Variants in PLAG1 observed in about 807,000 individuals in gnomAD.
PLAG1 encodes the protein zinc finger protein PLAG1.
PLAG1 carries 7 observed loss-of-function variants against 35.5 expected under a neutral mutation model. The observed-to-expected ratio is 0.20, with a 90% CI of 0.11 to 0.37. PLAG1 has a LOEUF of 0.37. Ranked by LOEUF, PLAG1 falls within the 10% of genes least tolerant of loss-of-function variation. PLAG1 has a pLI of 1.00. For synonymous variants in PLAG1, 229 were observed against 225.4 expected, an observed-to-expected ratio of 1.02 and a Z score of -0.14; for missense variants, 454 against 602.8, an observed-to-expected ratio of 0.75 and a Z score of 2.58.
At chr8:56,176,045 T>C (rs1450557223) in intron 2 of PLAG1, among the ~76,000 whole-genome samples, 3 of 141,838 alleles carry the variant, frequency 2.1e-5, no homozygotes, top group South Asian at 2.2e-4. Flanking sequence ...CTTTTCCTTT[T>C]CTTTTTTTTT....
intron 2 of PLAG1, among the ~76,000 whole-genome samples, chr8:56,175,769 G>GT (rs965906633): frequency 2.6e-5 from 4 of 152,234 alleles, no homozygotes; most frequent in Admixed American, 6.5e-5. Context: ...CTTTTTGTCT[G>GT]TAAGAACCAA....
intron 3 of PLAG1, among the ~76,000 whole-genome samples, chr8:56,169,160 A>G (rs1175795421): frequency 1.3e-5 from 2 of 152,182 alleles, no homozygotes; most frequent in Non-Finnish European, 2.9e-5. Context: ...TTTTAGGCAC[A>G]CTGAGGTTAG....
chr8:56,177,368 T>C (rs531865232), intron 2 of PLAG1, among the ~76,000 whole-genome samples: 1 of 152,320 alleles, frequency 6.6e-6, no homozygotes, highest in African/African-American at 2.4e-5. Context: ...GGATCAGTTC[T>C]AGGCAAAACC....
intron 1 of PLAG1, among the ~76,000 whole-genome samples, chr8:56,204,496 C>T (rs994255667): frequency 1.3e-5 from 2 of 151,968 alleles, no homozygotes; most frequent in South Asian, 4.1e-4. Context: ...GATTATGACA[C>T]CTTCCAATTT....
At chr8:56,202,557 C>A (rs1446121037) in intron 1 of PLAG1, among the ~76,000 whole-genome samples, 1 of 152,176 alleles carries the variant, frequency 6.6e-6, no homozygotes, top group Non-Finnish European at 1.5e-5. Flanking sequence ...ATGCATTGTA[C>A]AAAAGCTATT....
chr8:56,172,779 G>C (rs188277681), intron 2 of PLAG1, among the ~76,000 whole-genome samples: 234 of 152,272 alleles, frequency 1.5e-3, no homozygotes, highest in African/African-American at 4.5e-3. Context: ...AAACCAATTT[G>C]CAAGTGGATA....
intron 1 of PLAG1, among the ~76,000 whole-genome samples, chr8:56,209,910 T>C (rs1355834414): frequency 1.3e-5 from 2 of 152,118 alleles, no homozygotes; most frequent in Non-Finnish European, 2.9e-5. Context: ...ATTAACTCTA[T>C]TAAGAAAATG....
chr8:56,193,462 T>G (rs1239167158), intron 1 of PLAG1, among the ~76,000 whole-genome samples: 1 of 152,196 alleles, frequency 6.6e-6, no homozygotes, highest in African/African-American at 2.4e-5. Context: ...AAAAAGCTGG[T>G]TGACAATGAC....
chr8:56,178,844 A>G (rs1811783552), intron 2 of PLAG1, among the ~76,000 whole-genome samples: 1 of 151,942 alleles, frequency 6.6e-6, no homozygotes, highest in Non-Finnish European at 1.5e-5. Context: ...ATTCTGTGAC[A>G]CTGAGCTGCG....
At chr8:56,187,129 G>T (rs1458078302) in intron 1 of PLAG1, among the ~76,000 whole-genome samples, 3 of 152,176 alleles carry the variant, frequency 2.0e-5, no homozygotes, top group African/African-American at 7.2e-5. Context: ...CCTTCTTGAA[G>T]CTTCAGCACC....
chr8:56,178,382 A>C (rs547566913), intron 2 of PLAG1, among the ~76,000 whole-genome samples: 1 of 147,464 alleles, frequency 6.8e-6, no homozygotes, highest in South Asian at 2.1e-4. Context: ...TAGAAAAAGA[A>C]AAAAAAAATC....
At chr8:56,207,363 T>G (rs529263370) in intron 1 of PLAG1, among the ~76,000 whole-genome samples, 1 of 151,916 alleles carries the variant, frequency 6.6e-6, no homozygotes, top group Non-Finnish European at 1.5e-5. Flanking sequence ...ATGTACATAG[T>G]GACAATCAGG....
chr8:56,181,417 G>C (rs1350578257), intron 1 of PLAG1, among the ~76,000 whole-genome samples: 1 of 152,216 alleles, frequency 6.6e-6, no homozygotes, highest in Non-Finnish European at 1.5e-5. Flanking sequence ...GTCCTTTGCA[G>C]AGACATGGAT....
chr8:56,191,305 C>A (rs557789501), intron 1 of PLAG1, among the ~76,000 whole-genome samples: 69 of 152,186 alleles, frequency 4.5e-4, no homozygotes, highest in Non-Finnish European at 9.0e-4. Context: ...GAGACCTGAG[C>A]TAGAGAGAAG....
At position 56,197,037 on chromosome 8, in the gene PLAG1, C is replaced by G. The variant is rs1812397724; in HGVS notation, c.-322+14084G>C. On this transcript the variant is annotated intron_variant, in intron 1 of 4. Coordinates refer to ENST00000316981, the MANE Select transcript of PLAG1 (RefSeq NM_002655.3). ...TGTATGTTTGTGGATCTCTGGGGCC[C>G]TCCCACTCTGGCGTGTATTTCTGTC... is the stretch of plus-strand genomic sequence containing the variant. 2.0e-5 allele frequency among the ~76,000 whole-genome samples: 3 copies of G among 151,666 alleles called. No homozygotes were observed. The South Asian group carries it at 6.2e-4, about 32-fold the overall frequency.
Position 56,167,468 on chromosome 8 carries a change from T to A in PLAG1, c.278A>T (p.Lys93Met), listed in dbSNP as rs77315395. 1.3e-3 allele frequency: 2,140 copies of A among 1,611,896 alleles called. 5 individuals are homozygous for A. Among genetic ancestry groups the A allele is most frequent in the Non-Finnish European group, 1.6e-3 (1,927 of 1,178,742 alleles). ...MATHSPEKTH[K>M]CNYCEKMFHR... ...AAACATTTTCTCACAATAATTACAC[T>A]TGTGGGTTTTCTCAGGAGAATGAGT... The change falls in exon 5 of 5, where the codon AAG (lysine) becomes ATG (methionine). Residue 93 changes from lysine (K) to methionine (M), a missense_variant. Lys to Met is a moderately conservative substitution (Grantham distance 95). Coordinates refer to ENST00000316981, the MANE Select transcript of PLAG1 (RefSeq NM_002655.3). The surrounding 1 kb of genome is among the most constrained non-coding windows in gnomAD (Gnocchi z 5.9).
chr8:56,174,212 A>G (rs1202553784), intron 2 of PLAG1, among the ~76,000 whole-genome samples: 1 of 152,192 alleles, frequency 6.6e-6, no homozygotes, highest in Non-Finnish European at 1.5e-5. Flanking sequence ...TTCCATATAG[A>G]GTAAATAAAG....
rs764195832 is a variant in PLAG1 at position 56,166,378 on chromosome 8, G to T, written c.1368C>A (p.Leu456=). The part of the protein sequence containing the change: ...QEEAHSSVSQ[L]PPQTQDLQDP... ...CCTGAAGATCCTGTGTTTGTGGGGG[G>T]AGCTGGGAAACAGAAGAATGTGCTT... Residue 456 remains leucine (L), a synonymous_variant, in exon 5 of 5, where the codon CTC becomes CTA. Transcript: ENST00000316981. 6.2e-7 allele frequency: 1 copy of T among 1,613,934 alleles called. No homozygotes were observed. The highest frequency in any genetic ancestry group is 2.2e-5 in the East Asian group (1 of 44,876).
Position 56,166,229 on chromosome 8 carries a change from C to A in PLAG1, c.*14G>T. 6.5e-7 allele frequency: 1 copy of A among 1,540,216 alleles called. No homozygotes were observed. Among genetic ancestry groups the A allele is most frequent in the South Asian group, 1.3e-5 (1 of 79,496 alleles). ...TACACATACATTTCTGTAATGAATCCATGTCCCAGAATCCTACTGAAAAGC... is the reference window on the plus strand; with the variant it reads ...TACACATACATTTCTGTAATGAATCAATGTCCCAGAATCCTACTGAAAAGC... On this transcript the variant is annotated 3_prime_UTR_variant, in exon 5 of 5. Coordinates refer to ENST00000316981, the MANE Select transcript of PLAG1 (RefSeq NM_002655.3).
Sources: allele counts gnomAD v4.1 joint callset (sites outside exome capture counted in the v4.1 genomes callset), GRCh38; gene constraint gnomAD v4.1.1; non-coding constraint Gnocchi (gnomAD v3.1); transcripts MANE v1.5; gene names NCBI Gene and HGNC (gene_info 2026-07-23, HGNC 2026-07-21).